CCDC13: variants seen among roughly 807,000 people sequenced by gnomAD.
CCDC13 encodes the protein coiled-coil domain containing 13.
In CCDC13, 70 loss-of-function variants were observed where a neutral mutation model predicts 87.3. That is an observed-to-expected ratio of 0.80 (90% CI 0.66 to 0.98). The LOEUF (loss-of-function observed/expected upper bound fraction) is 0.98, where lower values mean the gene tolerates loss of function less well. Among genes scored for constraint, CCDC13 ranks in the 50% least tolerant of loss-of-function variants. The pLI, the probability that CCDC13 is intolerant of heterozygous loss-of-function variation, is 0.00. For synonymous variants in CCDC13, 317 were observed against 360.3 expected (o/e 0.88, Z 1.36); for missense variants, 842 against 892.0 (o/e 0.94, Z 0.71).
chr3:42,758,637 G>C (rs1008628203), intron 1 of CCDC13, among the ~76,000 whole-genome samples: 3 of 152,078 alleles, frequency 2.0e-5, no homozygotes, highest in Non-Finnish European at 2.9e-5. Context: ...TTAAATCAAT[G>C]GTTCTCAACT....
intron 1 of CCDC13, among the ~76,000 whole-genome samples, chr3:42,768,590 G>A (rs545914848): frequency 6.1e-4 from 93 of 152,110 alleles, no homozygotes; most frequent in African/African-American, 2.1e-3. Flanking sequence ...CCAGCTACTC[G>A]GAAGGCTGAG....
At chr3:42,737,098 G>A (rs1699048018) in intron 9 of CCDC13, among the ~76,000 whole-genome samples, 1 of 151,034 alleles carries the variant, frequency 6.6e-6, no homozygotes, top group Non-Finnish European at 1.5e-5. Context: ...GGTGTGTGAT[G>A]TTCCCCGCCC....
chr3:42,746,061 A>G, intron 6 of CCDC13, 34 bp from the exon 7 acceptor site: 10 of 1,513,652 alleles, frequency 6.6e-6, no homozygotes, highest in Non-Finnish European at 9.2e-6. Flanking sequence ...TGTGGCCAAA[A>G]GAGAGGGCTC....
intron 13 of CCDC13, among the ~76,000 whole-genome samples, chr3:42,716,171 A>G (rs1698426915): frequency 6.6e-6 from 1 of 152,126 alleles, no homozygotes; most frequent in Admixed American, 6.6e-5. Flanking sequence ...AGTAAACAAG[A>G]TGTACTAATA....
At chr3:42,769,503 C>T (rs1277368212) in intron 1 of CCDC13, among the ~76,000 whole-genome samples, 4 of 152,256 alleles carry the variant, frequency 2.6e-5, no homozygotes, top group Non-Finnish European at 5.9e-5. Context: ...TATATCCACA[C>T]AAAAACCTGC....
intron 5 of CCDC13, among the ~76,000 whole-genome samples, chr3:42,750,860 A>C (rs898753550): frequency 6.6e-6 from 1 of 152,132 alleles, no homozygotes. Context: ...CCTAGTTCGG[A>C]ATGTGGAGGT....
At chr3:42,715,239 G>T (rs2125870546) in intron 13 of CCDC13, among the ~76,000 whole-genome samples, 1 of 152,020 alleles carries the variant, frequency 6.6e-6, no homozygotes, top group South Asian at 2.1e-4. Flanking sequence ...AACCAGGGAG[G>T]TGGAGGTTAC....
intron 13 of CCDC13, among the ~76,000 whole-genome samples, chr3:42,717,605 T>C (rs1698463337): frequency 6.6e-6 from 1 of 152,208 alleles, no homozygotes; most frequent in Admixed American, 6.5e-5. Context: ...ATACTTTTAA[T>C]GGTTAAAATG....
At chr3:42,750,049 T>C (rs924985067) in intron 5 of CCDC13, 5 of 410,870 alleles carry the variant, frequency 1.2e-5, no homozygotes, top group East Asian at 7.4e-5. Flanking sequence ...CTGCGGCCCA[T>C]CACACACTCT....
At chr3:42,762,326 T>A (rs899299111) in intron 1 of CCDC13, among the ~76,000 whole-genome samples, 5 of 152,244 alleles carry the variant, frequency 3.3e-5, no homozygotes, top group African/African-American at 1.2e-4. Flanking sequence ...AAAAAACATG[T>A]TTGGCCTTTG....
Position 42,733,561 on chromosome 3 carries a change from T to C in CCDC13, c.1420A>G (p.Ser474Gly), listed in dbSNP as rs9814373. The part of the protein sequence containing the change: ...VGEGSSGREV[S>G]PAYTQFLEDP... ...TCCAGGAACTGGGTATAGGCAGGGC[T>C]GACCTCGCGGCCACTGGACCCCTCA... is the stretch of plus-strand genomic sequence containing the variant. Residue 474 changes from serine (S) to glycine (G), a missense_variant, in exon 11 of 16, where the codon AGC becomes GGC. Transcript: ENST00000310232. 2.1e-3 allele frequency: 3,352 copies of C among 1,613,442 alleles called. 67 individuals carry two copies. In the African/African-American group the frequency reaches 0.04, roughly 19 times the overall value.
chr3:42,762,854 T>TGGAA (rs1699862226), intron 1 of CCDC13, among the ~76,000 whole-genome samples: 1 of 152,118 alleles, frequency 6.6e-6, no homozygotes, highest in Non-Finnish European at 1.5e-5. Flanking sequence ...AAGGCCAAGG[T>TGGAA]GGAAGCACAG....
At chr3:42,731,794 A>G (rs1559643914) in intron 12 of CCDC13, among the ~76,000 whole-genome samples, 1 of 152,280 alleles carries the variant, frequency 6.6e-6, no homozygotes, top group East Asian at 1.9e-4. Context: ...TGCCCTGTGA[A>G]TTCCTGTCCT....
Position 42,708,751 on chromosome 3 carries a change from G to T in CCDC13, c.*229C>A. On this transcript the variant is annotated 3_prime_UTR_variant, in exon 16 of 16. Coordinates refer to ENST00000310232, the MANE Select transcript of CCDC13 (RefSeq NM_144719.4). ...TGGGCTGCTGGGCCTCCCTGCTGCT[G>T]TAACCCAGCCAGCCCAGGGTCTCCT... 2.3e-6 allele frequency: 1 copy of T among 442,888 alleles called. No homozygotes were observed. The highest frequency in any genetic ancestry group is 4.5e-5 in the South Asian group (1 of 22,386). 27.4% of individuals were successfully genotyped at this position (442,888 alleles called of 1,614,324 possible).
chr3:42,746,982 C>T, intron 6 of CCDC13: 1 of 549,384 alleles, frequency 1.8e-6, no homozygotes, highest in South Asian at 1.9e-5. Flanking sequence ...CAGTGCTGTC[C>T]TCCTCAGTCT....
rs942628998 is a variant in CCDC13 at position 42,735,599 on chromosome 3, G to A, written c.1371+108C>T. 5 of 1,170,510 alleles carry A rather than the reference G, an allele frequency of 4.3e-6. No individual in the cohort carries two copies. The Admixed American group carries it at 9.0e-5, about 21-fold the overall frequency. The allele number at this position is 1,170,510 out of a possible 1,614,324, so 72.5% of individuals were successfully genotyped here. A position where few individuals can be genotyped will look rare whatever the true frequency, so the allele number is the denominator to read the frequency against. ...AAGCAGGTGGCCAAAGTGGAGCCAG[G>A]AAGGATGAAGTCTGGCCTGAGCTAA... is the stretch of plus-strand genomic sequence containing the variant. On this transcript the variant is annotated intron_variant, in intron 10 of 15. Transcript: ENST00000310232.
rs1329778990 is a variant in CCDC13 at position 42,746,014 on chromosome 3, T to G, written c.734A>C (p.Glu245Ala). 2.5e-6 allele frequency: 4 copies of G among 1,613,904 alleles called. No homozygotes were observed. The African/African-American group carries it at 4.0e-5, about 16-fold the overall frequency. The change falls in exon 7 of 16, where the codon GAG (glutamate) becomes GCG (alanine). Residue 245 changes from glutamate to alanine, a missense_variant. Coordinates refer to ENST00000310232, the MANE Select transcript of CCDC13 (RefSeq NM_144719.4). ...LRMAQKVLAR[E>A]VGEDINVQQL... ...CTGAACGTTGATGTCTTCCCCAACC[T>G]CTCTGGCCAAAACCTGAAATAAGGC...
chr3:42,743,067 G>T lies in CCDC13; in HGVS notation c.826-10C>A. 2 of 1,613,762 alleles carry T rather than the reference G, an allele frequency of 1.2e-6. No homozygotes were observed. Among genetic ancestry groups the T allele is most frequent in the Non-Finnish European group, 1.7e-6 (2 of 1,179,814 alleles). ...TCTCAAGCTCTTGAACCTGAGGATG[G>T]TAAAACTCGTCGTTCCACAATGGGT... On this transcript the variant is annotated splice_polypyrimidine_tract_variant and intron_variant, in intron 7 of 15. Coordinates refer to ENST00000310232, the MANE Select transcript of CCDC13 (RefSeq NM_144719.4).
chr3:42,762,084 C>T (rs1287116798), intron 1 of CCDC13, among the ~76,000 whole-genome samples: 3 of 152,194 alleles, frequency 2.0e-5, no homozygotes, highest in African/African-American at 7.2e-5. Flanking sequence ...ACCAGGCCCA[C>T]CCCTAGAGAA....
Sources: allele counts gnomAD v4.1 joint callset (sites outside exome capture counted in the v4.1 genomes callset), GRCh38; gene constraint gnomAD v4.1.1; transcripts MANE v1.5; gene names NCBI Gene and HGNC (gene_info 2026-07-23, HGNC 2026-07-21).